CPVL: variants seen among roughly 807,000 people sequenced by gnomAD.
CPVL encodes the protein probable serine carboxypeptidase CPVL.
A neutral mutation model predicts 63.7 loss-of-function variants in CPVL; 51 were observed. The ratio of observed to expected loss-of-function variants is 0.80; its 90% confidence interval spans 0.64 to 1.01. The LOEUF is 1.01. CPVL is among the 50% of genes least tolerant of loss of function. The probability of loss-of-function intolerance (pLI) is 0.00; values close to 1 mark genes in which losing one functional copy is unlikely to be tolerated. For missense variants in CPVL, 530 were observed against 573.1 expected (o/e 0.92, Z 0.77); for synonymous variants, 195 against 206.0 (o/e 0.95, Z 0.46).
chr7:29,102,158 G>A (rs1787207257), intron 3 of CPVL, among the ~76,000 whole-genome samples: 3 of 152,144 alleles, frequency 2.0e-5, no homozygotes, highest in Admixed American at 2.0e-4. Flanking sequence ...GTAGCTCTGT[G>A]ACCTTGGGCA....
intron 12 of CPVL, among the ~76,000 whole-genome samples, chr7:29,029,192 C>T (rs1304946495): frequency 6.6e-6 from 1 of 151,912 alleles, no homozygotes; most frequent in Non-Finnish European, 1.5e-5. Context: ...TGAACTCATA[C>T]ACTATTGGTA....
At chr7:29,078,751 C>T (rs1341867577) in intron 7 of CPVL, among the ~76,000 whole-genome samples, 1 of 152,160 alleles carries the variant, frequency 6.6e-6, no homozygotes, top group Non-Finnish European at 1.5e-5. Flanking sequence ...ACATATGTAT[C>T]GATTTGATTT....
intron 1 of CPVL, among the ~76,000 whole-genome samples, chr7:29,124,613 T>A (rs1050681880): frequency 1.3e-5 from 2 of 151,982 alleles, no homozygotes; most frequent in Non-Finnish European, 2.9e-5. Context: ...AAATAAAATT[T>A]CCAACAGTAA....
In CPVL at chr7:29,096,117, G is replaced by A; in HGVS notation, c.389C>T (p.Thr130Ile). Residue 130 changes from threonine to isoleucine, a missense_variant, in exon 4 of 13, where the codon ACA becomes ATA. Thr to Ile is a moderately conservative substitution (Grantham distance 89). Coordinates refer to ENST00000265394, the MANE Select transcript of CPVL (RefSeq NM_031311.5). ...LFVEHGPYVV[T>I]SNMTLRDRDF... ...GGGATACTTACAGGTCATGTTACTTGTGACAACATAAGGCCCATGTTCCAC... is the reference window on the plus strand; with the variant it reads ...GGGATACTTACAGGTCATGTTACTTATGACAACATAAGGCCCATGTTCCAC... 11 of 1,613,462 alleles carry A rather than the reference G, an allele frequency of 6.8e-6. No individual in the cohort carries two copies. Among genetic ancestry groups the A allele is most frequent in the African/African-American group, 1.3e-5 (1 of 75,044 alleles).
intron 1 of CPVL, among the ~76,000 whole-genome samples, chr7:29,137,114 A>T (rs1278260644): frequency 4.6e-5 from 7 of 152,226 alleles, no homozygotes; most frequent in African/African-American, 1.7e-4. Flanking sequence ...TGTCTCTCCT[A>T]TTGAGGTGGC....
Position 29,056,045 on chromosome 7 carries a change from C to A in CPVL, c.1137+8016G>T, listed in dbSNP as rs1487386288. Among the ~76,000 whole-genome samples the A allele has an allele frequency of 3.3e-5, 5 of 152,082 alleles. No individual in the cohort carries two copies. The South Asian group carries it at 1.0e-3, about 32-fold the overall frequency. On this transcript the variant is annotated intron_variant, in intron 11 of 12. Transcript: ENST00000265394. Reference sequence around the variant, plus strand: ...AATTAGTAAATTTTGTGTTTCAGAGCAGTTTTAGGTTCATAGCAAAATTGA... The same window carrying A: ...AATTAGTAAATTTTGTGTTTCAGAGAAGTTTTAGGTTCATAGCAAAATTGA...
At chr7:28,996,080 TAAAGCTTAGTTAA>T in intron 12 of CPVL, 198 bp from the exon 13 acceptor site, 1 of 492,982 alleles carries the variant, frequency 2.0e-6, no homozygotes, top group Non-Finnish European at 3.5e-6. Context: ...AGAAAAGTTT[TAAAGCTTAGTTAA>T]TTTTACGCAA....
chr7:29,172,738 G>A (rs1796764359), intron 5 of CPVL, among the ~76,000 whole-genome samples: 1 of 151,928 alleles, frequency 6.6e-6, no homozygotes, highest in South Asian at 2.1e-4. Flanking sequence ...ATGTTAATTG[G>A]GAAAGAAGTA....
Position 29,095,122 on chromosome 7 carries a change from AG to A in CPVL, c.423del (p.Trp142GlyfsTer34), listed in dbSNP as rs1786266453. On this transcript the variant is annotated frameshift_variant, in exon 5 of 13. Coordinates refer to ENST00000265394, the MANE Select transcript of CPVL (RefSeq NM_031311.5). LOFTEE classifies it high-confidence loss of function. ...SNMTLRDRDFPWTTTLSMLYI... is the reference protein window; with the variant it reads ...SNMTLRDRDFXWTTTLSMLYI... Reference sequence around the variant, plus strand: ...TAAAGCATGGAGAGCGTTGTGGTCCAGGGGAAGTCTCTGTCACGCACTGTGA... The same window carrying A: ...TAAAGCATGGAGAGCGTTGTGGTCCAGGGAAGTCTCTGTCACGCACTGTGA... 6.2e-7 allele frequency: 1 copy of A among 1,613,852 alleles called. No individual in the cohort carries two copies. Among genetic ancestry groups the A allele is most frequent in the East Asian group, 2.2e-5 (1 of 44,892 alleles).
chr7:29,128,187 T>TG (rs898745646), intron 1 of CPVL: 5 of 150,718 alleles, frequency 3.3e-5, no homozygotes, highest in African/African-American at 1.2e-4. Flanking sequence ...TTTTTTTTTT[T>TG]TTTTTTTTTT....
At chr7:29,086,424 A>G in intron 7 of CPVL, 60 bp downstream of exon 7, 1 of 1,172,734 alleles carries the variant, frequency 8.5e-7, no homozygotes, top group Non-Finnish European at 1.3e-6. Context: ...AACTACACTC[A>G]TAATATATGT....
chr7:29,040,571 A>G (rs1227690565), intron 11 of CPVL, among the ~76,000 whole-genome samples: 6 of 152,184 alleles, frequency 3.9e-5, no homozygotes, highest in African/African-American at 1.4e-4. Context: ...TGAATGAAAC[A>G]GTAGTCATTT....
At chr7:29,101,765 T>C (rs1307919169) in intron 3 of CPVL, among the ~76,000 whole-genome samples, 1 of 152,174 alleles carries the variant, frequency 6.6e-6, no homozygotes, top group Non-Finnish European at 1.5e-5. Flanking sequence ...ATGTTTACCC[T>C]TCCAGATTTT....
At chr7:29,097,642 G>A (rs773105340) in intron 3 of CPVL, among the ~76,000 whole-genome samples, 10 of 152,348 alleles carry the variant, frequency 6.6e-5, no homozygotes, top group Non-Finnish European at 1.2e-4. Context: ...GTTGCAGTGA[G>A]CTGAGATAGC....
intron 11 of CPVL, among the ~76,000 whole-genome samples, chr7:29,046,243 C>A (rs1234556129): frequency 6.6e-6 from 1 of 152,038 alleles, no homozygotes; most frequent in Non-Finnish European, 1.5e-5. Context: ...CACCACCACA[C>A]CCGGCTAATT....
At chr7:29,029,801 A>G (rs1260402606) in intron 12 of CPVL, among the ~76,000 whole-genome samples, 1 of 152,196 alleles carries the variant, frequency 6.6e-6, no homozygotes, top group Non-Finnish European at 1.5e-5. Flanking sequence ...AAGAGATTTG[A>G]AATGTTCCCA....
At chr7:29,041,126 ATTTTTTTTTTTT>A (rs1191228187) in intron 11 of CPVL, among the ~76,000 whole-genome samples, 2 of 104,944 alleles carry the variant, frequency 1.9e-5, no homozygotes, top group South Asian at 6.4e-4. Flanking sequence ...CAATAACTGG[ATTTTTTTTTTTT>A]TTTTTTTTTT....
At chr7:29,169,279 C>A (rs1400710491) in intron 5 of CPVL, among the ~76,000 whole-genome samples, 1 of 152,138 alleles carries the variant, frequency 6.6e-6, no homozygotes, top group Non-Finnish European at 1.5e-5. Context: ...CTGGGAAGAA[C>A]ATTCTATTAT....
chr7:29,113,960 C>A (rs1302968320), intron 2 of CPVL, among the ~76,000 whole-genome samples: 1 of 152,146 alleles, frequency 6.6e-6, no homozygotes, highest in African/African-American at 2.4e-5. Flanking sequence ...AAGTCTGAGC[C>A]ATATTAAGTT....
Sources: allele counts gnomAD v4.1 joint callset (sites outside exome capture counted in the v4.1 genomes callset), GRCh38; gene constraint gnomAD v4.1.1; transcripts MANE v1.5; gene names NCBI Gene and HGNC (gene_info 2026-07-23, HGNC 2026-07-21).